Variants in CNTN6 observed in about 807,000 individuals in gnomAD.
CNTN6 encodes contactin-6.
A neutral mutation model predicts 122.8 loss-of-function variants in CNTN6; 137 were observed. That is an observed-to-expected ratio of 1.12 (90% CI 0.97 to 1.29). The LOEUF (loss-of-function observed/expected upper bound fraction) is 1.29, where lower values mean the gene tolerates loss of function less well. Among genes scored for constraint, CNTN6 ranks in the 50% most tolerant of loss-of-function variants. CNTN6 has a pLI of 0.00. For missense variants in CNTN6, 1,634 were observed against 1,223.4 expected, an observed-to-expected ratio of 1.34 and a Z score of -5.01; for synonymous variants, 570 against 426.0, an observed-to-expected ratio of 1.34 and a Z score of -4.16.
At chr3:1,119,688 C>T (rs2091879244) in intron 1 of CNTN6, among the ~76,000 whole-genome samples, 1 of 151,882 alleles carries the variant, frequency 6.6e-6, no homozygotes, top group Non-Finnish European at 1.5e-5. Flanking sequence ...CATCACCCCC[C>T]TTAGTTCCCT....
At chr3:1,218,300 G>A (rs1479646109) in intron 2 of CNTN6, among the ~76,000 whole-genome samples, 1 of 152,096 alleles carries the variant, frequency 6.6e-6, no homozygotes, top group Non-Finnish European at 1.5e-5. Flanking sequence ...CAAGGAGAAG[G>A]AGGGTGGTTT....
intron 12 of CNTN6, among the ~76,000 whole-genome samples, chr3:1,356,436 G>C (rs1478663936): frequency 6.6e-6 from 1 of 151,662 alleles, no homozygotes; most frequent in East Asian, 1.9e-4. Context: ...TTACAGAGTG[G>C]CCTATCCATT....
chr3:1,385,618 A>C lies in CNTN6; in HGVS notation c.2525A>C (p.Tyr842Ser), dbSNP rs1692763144. 6.2e-7 allele frequency: 1 copy of C among 1,612,564 alleles called. No homozygotes were observed. Among genetic ancestry groups the C allele is most frequent in the Non-Finnish European group, 8.5e-7 (1 of 1,179,350 alleles). Residue 842 changes from tyrosine to serine, a missense_variant, in exon 20 of 23, where the codon TAC (tyrosine) becomes TCC (serine). Transcript: ENST00000446702. ...TTGGTTTTTAATTATCAGGTCTTAT[A>C]CTGGACAGATGACTCCAAAGAATCC... The part of the protein sequence containing the change: ...TGRVLGYEVL[Y>S]WTDDSKESMI...
At chr3:1,354,721 A>T (rs1237425362) in intron 12 of CNTN6, among the ~76,000 whole-genome samples, 1 of 151,552 alleles carries the variant, frequency 6.6e-6, no homozygotes, top group Non-Finnish European at 1.5e-5. Flanking sequence ...AGCTTAGTTC[A>T]TAGGGATATT....
At chr3:1,263,178 C>T (rs556770168) in intron 4 of CNTN6, among the ~76,000 whole-genome samples, 1 of 150,890 alleles carries the variant, frequency 6.6e-6, no homozygotes, top group Admixed American at 6.6e-5. Flanking sequence ...TGAGCATATT[C>T]AGAGAAATTG....
intron 4 of CNTN6, among the ~76,000 whole-genome samples, chr3:1,254,567 G>A (rs1317226829): frequency 1.3e-5 from 2 of 152,046 alleles, no homozygotes; most frequent in East Asian, 3.9e-4. Flanking sequence ...TATCATGTGT[G>A]GAAGTTACAG....
chr3:1,300,008 G>A (rs376704311), intron 7 of CNTN6, among the ~76,000 whole-genome samples: 2 of 151,782 alleles, frequency 1.3e-5, no homozygotes, highest in East Asian at 3.9e-4. Flanking sequence ...ACGGAGTCTT[G>A]CTCTGTTGCT....
intron 7 of CNTN6, among the ~76,000 whole-genome samples, chr3:1,305,221 A>G (rs1698163083): frequency 6.6e-6 from 1 of 152,172 alleles, no homozygotes; most frequent in Non-Finnish European, 1.5e-5. Flanking sequence ...CAGAATGTAT[A>G]AAAAGTGAGG....
intron 20 of CNTN6, among the ~76,000 whole-genome samples, chr3:1,386,545 A>C (rs1185067381): frequency 6.6e-6 from 1 of 152,192 alleles, no homozygotes; most frequent in Non-Finnish European, 1.5e-5. Flanking sequence ...ATATTCCATA[A>C]TACGAGGCAC....
chr3:1,372,437 TA>T lies in CNTN6; in HGVS notation c.1638del (p.Gly547GlufsTer16). On this transcript the variant is annotated frameshift_variant, in exon 13 of 23. Coordinates refer to ENST00000446702, the MANE Select transcript of CNTN6 (RefSeq NM_001289080.2). LOFTEE classifies it high-confidence loss of function. Reference sequence around the variant, plus strand: ...TTTTTCAATGGAGATGTCATAGACTTAAAAAAAGGAGTGGCTCATTTTGAAA... The same window carrying T: ...TTTTTCAATGGAGATGTCATAGACTTAAAAAAGGAGTGGCTCATTTTGAAA... The part of the protein sequence containing the change: ...VWFFNGDVID[L>X]KKGVAHFERI... The T allele has an allele frequency of 6.2e-7, 1 of 1,611,372 alleles. No homozygotes were observed. The highest frequency in any genetic ancestry group is 1.7e-5 in the Admixed American group (1 of 59,396).
intron 11 of CNTN6, among the ~76,000 whole-genome samples, chr3:1,337,702 T>C (rs1703268720): frequency 6.6e-6 from 1 of 152,260 alleles, no homozygotes; most frequent in Admixed American, 6.5e-5. Flanking sequence ...CTGTGCTGCC[T>C]CTTTGTAATA....
chr3:1,271,875 T>C (rs2095033045), intron 4 of CNTN6, among the ~76,000 whole-genome samples: 1 of 152,174 alleles, frequency 6.6e-6, no homozygotes, highest in African/African-American at 2.4e-5. Context: ...AGTGTTTTAG[T>C]GTGAACCGTG....
At chr3:1,362,083 A>G (rs1387979905) in intron 12 of CNTN6, among the ~76,000 whole-genome samples, 3 of 152,150 alleles carry the variant, frequency 2.0e-5, no homozygotes, top group African/African-American at 7.2e-5. Context: ...ATGTCCTAGT[A>G]AGAAACAAAA....
At chr3:1,241,892 C>T (rs1236678087) in intron 4 of CNTN6, among the ~76,000 whole-genome samples, 4 of 152,218 alleles carry the variant, frequency 2.6e-5, no homozygotes, top group Admixed American at 2.6e-4. Flanking sequence ...GCAGCCGCTG[C>T]ACGCAGACAT....
intron 11 of CNTN6, among the ~76,000 whole-genome samples, chr3:1,342,124 T>TTTTG (rs569765087): frequency 0.035 from 5,253 of 152,056 alleles, 134 homozygotes; most frequent in South Asian, 0.054. Flanking sequence ...GGTCTATTTC[T>TTTTG]TTTGTTTGTT....
At chr3:1,252,267 G>A (rs1051490680) in intron 4 of CNTN6, among the ~76,000 whole-genome samples, 12 of 152,192 alleles carry the variant, frequency 7.9e-5, no homozygotes, top group South Asian at 2.1e-4. Flanking sequence ...CCTTTTCATT[G>A]TGCTGTTCTC....
At chr3:1,308,287 TTG>T (rs113198519) in intron 7 of CNTN6, among the ~76,000 whole-genome samples, 6,602 of 144,840 alleles carry the variant, frequency 0.046, 266 homozygotes, top group African/African-American at 0.11. Flanking sequence ...ATGGGGTGTT[TTG>T]TGTGTGTGTG....
chr3:1,319,922 A>C (rs765527408), intron 7 of CNTN6, among the ~76,000 whole-genome samples: 1 of 151,616 alleles, frequency 6.6e-6, no homozygotes, highest in Non-Finnish European at 1.5e-5. Flanking sequence ...TTCACATGCA[A>C]TACATACAAC....
Position 1,321,719 on chromosome 3 carries a change from A to G in CNTN6, c.831A>G (p.Lys277=). ...SPLPGKVKYS[K]SQAILEIPNF... is the part of the protein sequence containing the mutation. ...TGCCAGGGAAAGTCAAGTACAGCAA[A>G]TCCCAAGCTATCCTTGAAATCCCGA... The change falls in exon 8 of 23, where the codon AAA becomes AAG. Residue 277 remains lysine (K), a synonymous_variant. Coordinates refer to ENST00000446702, the MANE Select transcript of CNTN6 (RefSeq NM_001289080.2). 1.2e-6 allele frequency: 2 copies of G among 1,611,822 alleles called. No individual in the cohort carries two copies. Among genetic ancestry groups the G allele is most frequent in the Non-Finnish European group, 1.7e-6 (2 of 1,178,608 alleles).
Sources: allele counts gnomAD v4.1 joint callset (sites outside exome capture counted in the v4.1 genomes callset), GRCh38; gene constraint gnomAD v4.1.1; transcripts MANE v1.5; gene names NCBI Gene and HGNC (gene_info 2026-07-23, HGNC 2026-07-21).